The following ITPR2 variants were observed in gnomAD, a reference collection of about 807,000 sequenced individuals.
ITPR2 encodes inositol 1,4,5-trisphosphate-gated calcium channel ITPR2.
In ITPR2, 207 loss-of-function variants were observed where a neutral mutation model predicts 317.1. The observed-to-expected ratio is 0.65, with a 90% CI of 0.58 to 0.73. The LOEUF (loss-of-function observed/expected upper bound fraction) is 0.73. Among genes scored for constraint, ITPR2 ranks in the 30% least tolerant of loss-of-function variants. The pLI, the probability that ITPR2 is intolerant of heterozygous loss-of-function variation, is 0.00. For missense variants in ITPR2, 2,613 were observed against 3,284.0 expected (o/e 0.80, Z 4.99); for synonymous variants, 1,156 against 1,149.1 (o/e 1.01, Z -0.12).
intron 37 of ITPR2, among the ~76,000 whole-genome samples, chr12:26,542,878 A>C (rs2136986596): frequency 6.6e-6 from 1 of 152,322 alleles, no homozygotes; most frequent in South Asian, 2.1e-4. Context: ...TAGAATGTAA[A>C]GAGAATAACT....
rs188665476 is a variant in ITPR2, at chr12:26,725,960, A to T, written c.164-195T>A. 3.7e-5 allele frequency: 17 copies of T among 455,784 alleles called. No individual in the cohort carries two copies. The East Asian group carries it at 5.9e-4, about 16-fold the overall frequency. 28.2% of individuals were successfully genotyped at this position (455,784 alleles called of 1,614,324 possible). A position where few individuals can be genotyped will look rare whatever the true frequency, so the allele number is the denominator to read the frequency against. ...AAATAATTATCTAGACTCAGTTAAAATATCCACTTCTTCATTAATTTAAGT... is the reference window on the plus strand; with the variant it reads ...AAATAATTATCTAGACTCAGTTAAATTATCCACTTCTTCATTAATTTAAGT... On this transcript the variant is annotated intron_variant, in intron 2 of 56. Transcript: ENST00000381340.
chr12:26,691,999 T>G (rs1186645049), intron 10 of ITPR2, among the ~76,000 whole-genome samples: 1 of 152,124 alleles, frequency 6.6e-6, no homozygotes, highest in Admixed American at 6.5e-5. Flanking sequence ...ATAGAACCTT[T>G]GTTTCTGTGT....
At chr12:26,459,779 T>C (rs1042376050) in intron 45 of ITPR2, among the ~76,000 whole-genome samples, 4 of 152,220 alleles carry the variant, frequency 2.6e-5, no homozygotes, top group African/African-American at 9.7e-5. Context: ...AGCATCTATA[T>C]ACCAATGTCT....
intron 45 of ITPR2, among the ~76,000 whole-genome samples, chr12:26,472,550 T>C (rs948993656): frequency 2.2e-4 from 34 of 152,150 alleles, no homozygotes; most frequent in Non-Finnish European, 4.4e-5. Context: ...TTGATATCAT[T>C]GATTTATCTT....
chr12:26,385,119 C>G (rs941311316), intron 55 of ITPR2, among the ~76,000 whole-genome samples: 1 of 152,140 alleles, frequency 6.6e-6, no homozygotes, highest in Non-Finnish European at 1.5e-5. Flanking sequence ...GAGGCAGAAG[C>G]TCAGGCAGGT....
intron 32 of ITPR2, 91 bp from the exon 33 acceptor site, chr12:26,580,246 G>C (rs931589830): frequency 1.8e-6 from 2 of 1,125,314 alleles, no homozygotes; most frequent in East Asian, 5.0e-5. Flanking sequence ...TCCTGAAATA[G>C]TTGTCAGTAA....
At position 26,481,349 on chromosome 12, in the gene ITPR2, A is replaced by G. The variant is rs1942541490; in HGVS notation, c.6013-108T>C. 2.7e-5 allele frequency: 17 copies of G among 633,602 alleles called. No homozygotes were observed. In the South Asian group the frequency reaches 3.2e-4, roughly 12 times the overall value. The allele number at this position is 633,602 out of a possible 1,614,324, so 39.2% of individuals were successfully genotyped here. ...CACCTTAATTTTTGACCTTTAAAAA[A>G]TAGGTAAGATTTACCTTTGAGCATT... is the stretch of plus-strand genomic sequence containing the variant. On this transcript the variant is annotated intron_variant, in intron 42 of 56. Coordinates refer to ENST00000381340, the MANE Select transcript of ITPR2 (RefSeq NM_002223.4).
intron 45 of ITPR2, among the ~76,000 whole-genome samples, chr12:26,473,585 C>T (rs999102793): frequency 2.6e-5 from 4 of 152,168 alleles, no homozygotes; most frequent in East Asian, 1.9e-4. Flanking sequence ...CCTTTTTGAC[C>T]TTGCTTGTCT....
chr12:26,409,821 T>A (rs1156265898), intron 52 of ITPR2, among the ~76,000 whole-genome samples: 1 of 152,022 alleles, frequency 6.6e-6, no homozygotes, highest in Non-Finnish European at 1.5e-5. Flanking sequence ...AACCGAGAGA[T>A]CTTCCGGGCA....
chr12:26,431,485 C>G (rs558709803), intron 48 of ITPR2, among the ~76,000 whole-genome samples: 10 of 152,306 alleles, frequency 6.6e-5, no homozygotes, highest in African/African-American at 2.4e-4. Context: ...AACAAACAAA[C>G]AGCCACAAAA....
At chr12:26,546,140 T>A (rs1036732075) in intron 37 of ITPR2, among the ~76,000 whole-genome samples, 2 of 152,234 alleles carry the variant, frequency 1.3e-5, no homozygotes, top group African/African-American at 2.4e-5. Flanking sequence ...TCTTTTTTGT[T>A]CTTATAAATT....
At chr12:26,410,516 A>G (rs147095866) in intron 52 of ITPR2, among the ~76,000 whole-genome samples, 3,097 of 152,152 alleles carry the variant, frequency 0.02, 106 homozygotes, top group African/African-American at 0.068. Flanking sequence ...AAACTGGGGA[A>G]CTCCGCACCT....
chr12:26,444,234 C>T (rs1251076943), intron 45 of ITPR2, among the ~76,000 whole-genome samples: 1 of 152,066 alleles, frequency 6.6e-6, no homozygotes, highest in Non-Finnish European at 1.5e-5. Context: ...TTTTAAACTG[C>T]TTGTAGTGGA....
At chr12:26,776,842 G>A (rs971478010) in intron 2 of ITPR2, among the ~76,000 whole-genome samples, 1 of 152,170 alleles carries the variant, frequency 6.6e-6, no homozygotes, top group Non-Finnish European at 1.5e-5. Flanking sequence ...CAACACCCCT[G>A]TTTGCTTCTA....
At chr12:26,777,106 A>G (rs1002467715) in intron 2 of ITPR2, among the ~76,000 whole-genome samples, 8 of 152,232 alleles carry the variant, frequency 5.3e-5, no homozygotes, top group African/African-American at 1.9e-4. Context: ...TGCAGCTCAG[A>G]GAGTTAAAAA....
intron 2 of ITPR2, among the ~76,000 whole-genome samples, chr12:26,768,278 G>T (rs542004852): frequency 0.031 from 4,367 of 142,696 alleles, 165 homozygotes; most frequent in Non-Finnish European, 0.05. Context: ...GTCGGGGGAA[G>T]GGGGAGGGAT....
In ITPR2 at chr12:26,467,909, A is replaced by AT. The variant is rs545278598; in HGVS notation, c.6342+7386dup. On this transcript the variant is annotated intron_variant, in intron 45 of 56. Coordinates refer to ENST00000381340, the MANE Select transcript of ITPR2 (RefSeq NM_002223.4). ...TAAATCTATTCTATAATACCCAGGC[A>AT]TTTTTTTCCCATTATACTTTTTCTT... Among the ~76,000 whole-genome samples the AT allele has an allele frequency of 6.5e-3, 986 of 152,176 alleles. 18 individuals carry two copies. The highest frequency in any genetic ancestry group is 0.023 in the African/African-American group (942 of 41,534).
intron 2 of ITPR2, among the ~76,000 whole-genome samples, chr12:26,775,959 T>TACATACATATATATATATATATATA (rs1263788006): frequency 3.4e-5 from 5 of 145,090 alleles, no homozygotes; most frequent in Admixed American, 1.4e-4. Flanking sequence ...TATATGTATA[T>TACATACATATATATATATATATATA]CCTATTAGTT....
chr12:26,416,621 C>T (rs983715199), intron 50 of ITPR2, among the ~76,000 whole-genome samples: 5 of 152,086 alleles, frequency 3.3e-5, no homozygotes, highest in East Asian at 1.9e-4. Flanking sequence ...GTTTGCTCAC[C>T]TATGGAAACT....
Sources: allele counts gnomAD v4.1 joint callset (sites outside exome capture counted in the v4.1 genomes callset), GRCh38; gene constraint gnomAD v4.1.1; transcripts MANE v1.5; gene names NCBI Gene and HGNC (gene_info 2026-07-23, HGNC 2026-07-21).